The following INPP5A variants were observed in gnomAD, a reference collection of about 807,000 sequenced individuals.
INPP5A encodes the protein inositol polyphosphate-5-phosphatase A, also known as 43 kDa inositol polyphosphate 5-phophatase.
INPP5A carries 14 observed loss-of-function variants against 65.2 expected under a neutral mutation model. The ratio of observed to expected loss-of-function variants is 0.21; its 90% CI spans 0.14 to 0.34. The LOEUF (loss-of-function observed/expected upper bound fraction) is 0.34. INPP5A is among the 10% of genes least tolerant of loss of function. The pLI, the probability that INPP5A is intolerant of heterozygous loss-of-function variation, is 1.00. For synonymous variants in INPP5A, 207 were observed against 208.3 expected (o/e 0.99, Z 0.05); for missense variants, 431 against 545.6 (o/e 0.79, Z 2.09).
At chr10:132,719,118 G>C (rs1246139060) in intron 8 of INPP5A, among the ~76,000 whole-genome samples, 2 of 148,536 alleles carry the variant, frequency 1.3e-5, no homozygotes, top group Non-Finnish European at 3.0e-5. Context: ...TTAGACGACT[G>C]TCTTCAGGGT....
At position 132,637,921 on chromosome 10, in the gene INPP5A, C is replaced by T. The variant is rs972669662; in HGVS notation, c.118-7947C>T. ...CAATTTTTTGTCTTTTTTTTACAGC[C>T]GTTTTGTAGGGACTTCCTTTTGCTC... On this transcript the variant is annotated intron_variant, in intron 2 of 15. Transcript: ENST00000368594. This position sits in a 1 kb window ranked among gnomAD's most constrained non-coding sequence, Gnocchi z 4.1. Among the ~76,000 whole-genome samples the T allele has an allele frequency of 2.0e-5, 3 of 152,010 alleles. No individual in the cohort carries two copies. Among genetic ancestry groups the T allele is most frequent in the Non-Finnish European group, 2.9e-5 (2 of 68,016 alleles).
At chr10:132,690,702 AG>A (rs1330462508) in intron 5 of INPP5A, among the ~76,000 whole-genome samples, 1 of 152,178 alleles carries the variant, frequency 6.6e-6, no homozygotes, top group East Asian at 1.9e-4. Context: ...GTTAAGAGGA[AG>A]GAATAGTTTG....
intron 11 of INPP5A, among the ~76,000 whole-genome samples, chr10:132,752,595 A>AGGGGTGTGGCATGGAGT (rs753078011): frequency 1.3e-5 from 1 of 77,452 alleles, no homozygotes; most frequent in Admixed American, 1.5e-4. Flanking sequence ...TGTGGCATGG[A>AGGGGTGTGGCATGGAGT]GGGGTGTGGC....
intron 11 of INPP5A, 147 bp from the exon 12 acceptor site, chr10:132,765,626 C>T (rs1319127589): frequency 3.1e-6 from 2 of 640,958 alleles, no homozygotes; most frequent in East Asian, 2.7e-5. Context: ...CTGCTGGCAC[C>T]ACAGAGCTTT....
rs1233267235 is a variant in INPP5A, at chr10:132,627,052, C to T, written c.118-18816C>T. Among the ~76,000 whole-genome samples the T allele has an allele frequency of 6.6e-6, 1 of 151,932 alleles. No individual in the cohort carries two copies. The highest frequency in any genetic ancestry group is 1.5e-5 in the Non-Finnish European group (1 of 67,828). On this transcript the variant is annotated intron_variant, in intron 2 of 15. Coordinates refer to ENST00000368594, the MANE Select transcript of INPP5A (RefSeq NM_005539.5). This position sits in a 1 kb window ranked among gnomAD's most constrained non-coding sequence, Gnocchi z 6.6. ...GGGTGAGATGAGGTTATGCGGTGGG[C>T]CCCCCGGATGGGATGGGTGCCCTTA...
chr10:132,685,627 A>G (rs1293761016), intron 4 of INPP5A, among the ~76,000 whole-genome samples: 1 of 152,240 alleles, frequency 6.6e-6, no homozygotes, highest in African/African-American at 2.4e-5. Context: ...AGGCATTTCC[A>G]ATGGCAGCTT....
At chr10:132,731,647 C>T (rs12257708) in intron 9 of INPP5A, among the ~76,000 whole-genome samples, 3,641 of 152,280 alleles carry the variant, frequency 0.024, 136 homozygotes, top group African/African-American at 0.082. Flanking sequence ...GCTGAGCCTC[C>T]GTTGCATCTG....
chr10:132,770,257 C>T (rs999968973), intron 12 of INPP5A, among the ~76,000 whole-genome samples: 2 of 152,236 alleles, frequency 1.3e-5, no homozygotes, highest in South Asian at 2.1e-4. Flanking sequence ...TCAGCCTCTC[C>T]GCAGCCAGAG....
At chr10:132,543,530 C>T (rs180716167) in intron 1 of INPP5A, among the ~76,000 whole-genome samples, 56 of 152,366 alleles carry the variant, frequency 3.7e-4, no homozygotes, top group Admixed American at 1.0e-3. Flanking sequence ...GATCCTCCTG[C>T]CTTAGCCTCC....
chr10:132,753,255 C>T lies in INPP5A; in HGVS notation c.903+3410C>T, dbSNP rs537587008. On this transcript the variant is annotated intron_variant, in intron 11 of 15. Transcript: ENST00000368594. The surrounding 1 kb of genome is among the most constrained non-coding windows in gnomAD (Gnocchi z 5.3). ...TCGACGGAGGGTCAAGGTGGTCGGA[C>T]GGGGAGCCTGGGGAGATAATCCCAT... Among the ~76,000 whole-genome samples, 2 of 152,200 alleles carry T rather than the reference C, an allele frequency of 1.3e-5. No homozygotes were observed. Among genetic ancestry groups the T allele is most frequent in the East Asian group, 1.9e-4 (1 of 5,172 alleles).
At chr10:132,636,372 G>A (rs2072352821) in intron 2 of INPP5A, among the ~76,000 whole-genome samples, 2 of 152,354 alleles carry the variant, frequency 1.3e-5, no homozygotes, top group African/African-American at 4.8e-5. Context: ...GGTACAGTGT[G>A]CACACGATTC....
chr10:132,767,689 C>A (rs950907970), intron 12 of INPP5A, among the ~76,000 whole-genome samples: 8 of 152,144 alleles, frequency 5.3e-5, no homozygotes, highest in Non-Finnish European at 8.8e-5. Flanking sequence ...CCCCTCGCGC[C>A]CAGTGGCATT....
chr10:132,739,751 A>G (rs564519781), intron 9 of INPP5A, among the ~76,000 whole-genome samples: 55 of 152,342 alleles, frequency 3.6e-4, no homozygotes, highest in South Asian at 6.2e-4. Flanking sequence ...TGCTGTTTCC[A>G]TCAAAGATCG....
intron 6 of INPP5A, 150 bp from the exon 7 acceptor site, chr10:132,708,163 G>A (rs536359666): frequency 8.9e-6 from 6 of 674,206 alleles, no homozygotes; most frequent in South Asian, 3.6e-5. Flanking sequence ...TGCACAGCTC[G>A]GTTCTCTTTA....
chr10:132,546,524 G>A lies in INPP5A; in HGVS notation c.75+8353G>A, dbSNP rs867751134. ...GGTTGCTGGGGACCAGCTGGTTGCT[G>A]TGTCGGGGGGCCGTGCTCCCCCTTC... On this transcript the variant is annotated intron_variant, in intron 1 of 15. Coordinates refer to ENST00000368594, the MANE Select transcript of INPP5A (RefSeq NM_005539.5). The surrounding 1 kb of genome is among the most constrained non-coding windows in gnomAD (Gnocchi z 5.7). Among the ~76,000 whole-genome samples the A allele has an allele frequency of 6.6e-6, 1 of 152,158 alleles. No homozygotes were observed. Among genetic ancestry groups the A allele is most frequent in the Non-Finnish European group, 1.5e-5 (1 of 68,014 alleles).
intron 2 of INPP5A, among the ~76,000 whole-genome samples, chr10:132,638,630 C>T (rs978098349): frequency 6.6e-6 from 1 of 152,176 alleles, no homozygotes; most frequent in Non-Finnish European, 1.5e-5. Context: ...TGCAGTGGCA[C>T]AATCTCGGAG....
At chr10:132,684,920 C>T (rs946507538) in intron 4 of INPP5A, among the ~76,000 whole-genome samples, 8 of 152,106 alleles carry the variant, frequency 5.3e-5, no homozygotes, top group Non-Finnish European at 7.4e-5. Flanking sequence ...GAGTGGGCTG[C>T]GTATGAGGGG....
chr10:132,747,481 G>A (rs1163721714), intron 9 of INPP5A, among the ~76,000 whole-genome samples: 4 of 152,274 alleles, frequency 2.6e-5, no homozygotes, highest in African/African-American at 4.8e-5. Context: ...CTGCATCTTG[G>A]CAAGAGGCGG....
intron 9 of INPP5A, among the ~76,000 whole-genome samples, chr10:132,748,530 C>A (rs1846412940): frequency 1.3e-5 from 2 of 152,208 alleles, no homozygotes; most frequent in African/African-American, 4.8e-5. Context: ...GCCAGTCCAC[C>A]CAGGTAGGGG....
Sources: gnomAD v4.1 joint callset for allele counts (sites outside exome capture counted in the v4.1 genomes callset) on GRCh38, gnomAD v4.1.1 for gene constraint, Gnocchi (gnomAD v3.1) non-coding constraint, MANE v1.5 for transcripts, NCBI Gene and HGNC (gene_info 2026-07-23, HGNC 2026-07-21) for gene names.